Variants in IRAK2 observed in about 807,000 individuals in gnomAD.
IRAK2 encodes interleukin 1 receptor associated kinase 2, also known as interleukin-1 receptor-associated kinase-like 2.
Under a neutral mutation model 72.0 loss-of-function variants are expected in IRAK2, and 57 were observed. The observed-to-expected ratio is 0.79, with a 90% confidence interval of 0.64 to 0.99. IRAK2 has a LOEUF of 0.99. Ranked by LOEUF, IRAK2 falls within the 50% of genes least tolerant of loss-of-function variation. The pLI is 0.00. For missense variants in IRAK2, 790 were observed against 794.4 expected (o/e 0.99, Z 0.07); for synonymous variants, 293 against 312.7 (o/e 0.94, Z 0.67).
At chr3:10,222,330 G>A (rs531582035) in intron 8 of IRAK2, among the ~76,000 whole-genome samples, 1 of 152,342 alleles carries the variant, frequency 6.6e-6, no homozygotes, top group East Asian at 1.9e-4. Context: ...TGCACAGCCT[G>A]TAGGCGTGGC....
intron 1 of IRAK2, among the ~76,000 whole-genome samples, chr3:10,171,525 C>G (rs1225574631): frequency 6.6e-6 from 1 of 152,146 alleles, no homozygotes. Flanking sequence ...GCAAGGTTTT[C>G]TACTGCCTCG....
intron 1 of IRAK2, among the ~76,000 whole-genome samples, chr3:10,172,760 C>T (rs1465849820): frequency 1.3e-5 from 2 of 149,666 alleles, no homozygotes; most frequent in Admixed American, 6.7e-5. Context: ...ATTGTGTGAA[C>T]CCAGGAGGTG....
At chr3:10,183,306 T>A (rs896934416) in intron 2 of IRAK2, among the ~76,000 whole-genome samples, 3 of 152,180 alleles carry the variant, frequency 2.0e-5, no homozygotes, top group Non-Finnish European at 4.4e-5. Flanking sequence ...TGAACTGCAG[T>A]GGCTGCCTGG....
chr3:10,212,367 ATTC>A (rs35878178), intron 4 of IRAK2, among the ~76,000 whole-genome samples: 1 of 151,342 alleles, frequency 6.6e-6, no homozygotes, highest in Non-Finnish European at 1.5e-5. Flanking sequence ...GCCCAAGACA[ATTC>A]TTCTTCCAGT....
At chr3:10,225,414 T>C (rs1697758393) in intron 9 of IRAK2, among the ~76,000 whole-genome samples, 1 of 152,168 alleles carries the variant, frequency 6.6e-6, no homozygotes, top group South Asian at 2.1e-4. Flanking sequence ...CCCTTAGCCA[T>C]CATAGCATTG....
intron 2 of IRAK2, among the ~76,000 whole-genome samples, chr3:10,198,285 AC>A (rs1259415066): frequency 6.6e-6 from 1 of 152,096 alleles, no homozygotes; most frequent in African/African-American, 2.4e-5. Flanking sequence ...GCCACTCATC[AC>A]CCCCCGACAT....
In IRAK2 at chr3:10,217,043, G is replaced by T. The variant is rs1409915724; in HGVS notation, c.898G>T (p.Gly300Cys). 1.9e-6 allele frequency: 3 copies of T among 1,606,982 alleles called. No individual in the cohort carries two copies. The highest frequency in any genetic ancestry group is 1.3e-5 in the African/African-American group (1 of 74,716). The change falls in exon 7 of 13, where the codon GGT (glycine) becomes TGT (cysteine). Residue 300 changes from glycine to cysteine, a missense_variant. Coordinates refer to ENST00000256458, the MANE Select transcript of IRAK2 (RefSeq NM_001570.4). ...ANGSLQDRLQGQGGSDPLPWP... is the reference protein window; with the variant it reads ...ANGSLQDRLQCQGGSDPLPWP... The stretch of plus-strand genomic sequence containing the variant: ...TGGTTCCCTACAGGACAGACTGCAG[G>T]GTCAGGTAAGGGACTGGGTCATGGT...
At chr3:10,208,474 T>C (rs919896183) in intron 3 of IRAK2, among the ~76,000 whole-genome samples, 7 of 148,948 alleles carry the variant, frequency 4.7e-5, no homozygotes, top group Non-Finnish European at 8.9e-5. Context: ...AAAAAAAATC[T>C]TTTGTAGGAC....
chr3:10,233,576 A>C (rs1195436705), intron 10 of IRAK2, among the ~76,000 whole-genome samples: 1 of 152,172 alleles, frequency 6.6e-6, no homozygotes, highest in Non-Finnish European at 1.5e-5. Context: ...ATGTATAAGA[A>C]GTATAGACAT....
chr3:10,222,600 A>T lies in IRAK2; in HGVS notation c.1014-36A>T, dbSNP rs775012138. 1.9e-6 allele frequency: 3 copies of T among 1,577,090 alleles called. No homozygotes were observed. In the Admixed American group the frequency reaches 5.0e-5, roughly 27 times the overall value. ...ATGGCAACTTGTTGTTATCCAGCTC[A>T]AAATGAGAAGGTTCCCTCTCCTTTC... is the stretch of plus-strand genomic sequence containing the variant. On this transcript the variant is annotated intron_variant, in intron 8 of 12. Coordinates refer to ENST00000256458, the MANE Select transcript of IRAK2 (RefSeq NM_001570.4).
rs778364727 is a variant in IRAK2 at position 10,216,937 on chromosome 3, C to T, written c.792C>T (p.Cys264=). ...FQAELQICLR[C]CHPNVLPVLG... Reference sequence around the variant, plus strand: ...CTGCACTGACGCCCGATTCCAGATGCTGCCACCCCAATGTCTTACCTGTGC... The same window carrying T: ...CTGCACTGACGCCCGATTCCAGATGTTGCCACCCCAATGTCTTACCTGTGC... The change falls in exon 7 of 13, where the codon TGC becomes TGT. Residue 264 remains cysteine (C), a synonymous_variant. Coordinates refer to ENST00000256458, the MANE Select transcript of IRAK2 (RefSeq NM_001570.4). 7.1e-5 allele frequency: 114 copies of T among 1,613,104 alleles called. No individual in the cohort carries two copies. Among genetic ancestry groups the T allele is most frequent in the Non-Finnish European group, 9.2e-5 (109 of 1,179,186 alleles).
rs1698084793 is a variant in IRAK2, at chr3:10,242,957, T to C, written c.*729T>C. 6.6e-6 allele frequency: 1 copy of C among 152,264 alleles called. No individual in the cohort carries two copies. Among genetic ancestry groups the C allele is most frequent in the Admixed American group, 6.5e-5 (1 of 15,280 alleles). The allele number at this position is 152,264 out of a possible 1,614,324, so 9.4% of individuals were successfully genotyped here. ...GCAATTCACATAATTATTCAGTCAC[T>C]GCCTGGTACCTTTATCTTCCCATCC... On this transcript the variant is annotated 3_prime_UTR_variant, in exon 13 of 13. Coordinates refer to ENST00000256458, the MANE Select transcript of IRAK2 (RefSeq NM_001570.4).
At position 10,225,161 on chromosome 3, in the gene IRAK2, C is replaced by T. The variant is rs372341957; in HGVS notation, c.1210-1210C>T. On this transcript the variant is annotated intron_variant, in intron 9 of 12. Coordinates refer to ENST00000256458, the MANE Select transcript of IRAK2 (RefSeq NM_001570.4). ...GGTGGTTTAAAACCTTTATCCTTTC[C>T]TTCCTCCAGGCTTGGAGGGATTCTT... Among the ~76,000 whole-genome samples, 11 of 152,236 alleles carry T rather than the reference C, an allele frequency of 7.2e-5. No individual in the cohort carries two copies. In the South Asian group the frequency reaches 1.4e-3, roughly 20 times the overall value.
intron 3 of IRAK2, among the ~76,000 whole-genome samples, chr3:10,208,959 C>A (rs1697476054): frequency 6.6e-6 from 1 of 151,982 alleles, no homozygotes; most frequent in South Asian, 2.1e-4. Context: ...CTTACTCCAG[C>A]CCCGGGCCCT....
At chr3:10,231,914 C>G (rs1697867782) in intron 10 of IRAK2, among the ~76,000 whole-genome samples, 1 of 152,132 alleles carries the variant, frequency 6.6e-6, no homozygotes, top group Non-Finnish European at 1.5e-5. Context: ...ATCACAAGGT[C>G]AGGAGATCGA....
rs61587063 is a variant in IRAK2 at position 10,186,967 on chromosome 3, C to CTT, written c.277+8961_277+8962dup. Among the ~76,000 whole-genome samples, 728 of 138,680 alleles carry CTT rather than the reference C, an allele frequency of 5.2e-3. 23 individuals are homozygous for CTT. The South Asian group carries it at 0.086, about 16-fold the overall frequency. The allele number at this position is 138,680 out of a possible 152,430, so 91.0% of individuals were successfully genotyped here. ...AGTGCAAACCACCATGCCCAGCTAA[C>CTT]TTTTTTTTTTTTTTTCAGATTTTGG... On this transcript the variant is annotated intron_variant, in intron 2 of 12. Transcript: ENST00000256458.
intron 2 of IRAK2, among the ~76,000 whole-genome samples, chr3:10,193,851 C>T (rs915887972): frequency 2.0e-5 from 3 of 152,246 alleles, no homozygotes; most frequent in Non-Finnish European, 4.4e-5. Flanking sequence ...CTGCTGGGCT[C>T]CTATGTTACT....
chr3:10,232,939 C>T (rs1318990014), intron 10 of IRAK2, among the ~76,000 whole-genome samples: 3 of 152,120 alleles, frequency 2.0e-5, no homozygotes, highest in Admixed American at 2.0e-4. Context: ...TAGCATGTGC[C>T]TATAGTCCCA....
intron 2 of IRAK2, among the ~76,000 whole-genome samples, chr3:10,192,765 A>G (rs1217979726): frequency 6.6e-6 from 1 of 152,138 alleles, no homozygotes; most frequent in African/African-American, 2.4e-5. Context: ...CTAAAAATAC[A>G]AAAATTAGCC....
Sources: gnomAD v4.1 joint callset for allele counts (sites outside exome capture counted in the v4.1 genomes callset) on GRCh38, gnomAD v4.1.1 for gene constraint, MANE v1.5 for transcripts, NCBI Gene and HGNC (gene_info 2026-07-23, HGNC 2026-07-21) for gene names.